Variants in SNX29 observed in about 807,000 individuals in gnomAD.
SNX29 encodes sorting nexin-29.
A neutral mutation model predicts 102.1 loss-of-function variants in SNX29; 78 were observed. That is an observed-to-expected ratio of 0.76 (90% CI 0.64 to 0.92). SNX29 has a LOEUF of 0.92. Among genes scored for constraint, SNX29 ranks in the 40% least tolerant of loss-of-function variants. SNX29 has a pLI of 0.00. For synonymous variants in SNX29, 580 were observed against 414.5 expected (o/e 1.40, Z -4.85); for missense variants, 1,280 against 1,061.7 (o/e 1.21, Z -2.86).
At chr16:12,397,226 G>A (rs2083755413) in intron 16 of SNX29, among the ~76,000 whole-genome samples, 1 of 152,190 alleles carries the variant, frequency 6.6e-6, no homozygotes, top group East Asian at 1.9e-4. Context: ...CTTCTAATGT[G>A]TCCTAACCTT....
chr16:12,502,184 C>A (rs762645242), intron 19 of SNX29, among the ~76,000 whole-genome samples: 1 of 152,184 alleles, frequency 6.6e-6, no homozygotes, highest in Non-Finnish European at 1.5e-5. Flanking sequence ...GATGAGGCCT[C>A]CTCTGGGCAT....
chr16:12,255,135 T>C (rs537317727), intron 14 of SNX29, among the ~76,000 whole-genome samples: 1 of 152,366 alleles, frequency 6.6e-6, no homozygotes, highest in Non-Finnish European at 1.5e-5. Context: ...TCACATACTT[T>C]TTTTTGGTGT....
intron 20 of SNX29, chr16:12,527,248 G>T (rs568410792): frequency 1.9e-6 from 1 of 533,186 alleles, no homozygotes; most frequent in Non-Finnish European, 3.6e-6. Flanking sequence ...AGCCTTACCC[G>T]TGCTGACGAA....
chr16:12,246,641 T>C (rs1008574658), intron 14 of SNX29, among the ~76,000 whole-genome samples: 3 of 151,890 alleles, frequency 2.0e-5, no homozygotes, highest in Admixed American at 2.0e-4. Context: ...AAAAAAGAAA[T>C]AACAACAAAA....
intron 20 of SNX29, among the ~76,000 whole-genome samples, chr16:12,558,043 G>A (rs79656563): frequency 0.012 from 1,891 of 152,216 alleles, 37 homozygotes; most frequent in African/African-American, 0.042. Flanking sequence ...GTAATTGGCC[G>A]GGATTACAAC....
At chr16:12,297,736 A>G (rs978574273) in intron 15 of SNX29, among the ~76,000 whole-genome samples, 3 of 152,172 alleles carry the variant, frequency 2.0e-5, no homozygotes, top group Non-Finnish European at 4.4e-5. Context: ...TTTGCACCTC[A>G]GTAAAGCTGG....
chr16:12,120,875 G>A (rs1370856294), intron 11 of SNX29, among the ~76,000 whole-genome samples: 1 of 152,180 alleles, frequency 6.6e-6, no homozygotes, highest in East Asian at 1.9e-4. Flanking sequence ...AATGGAAAAA[G>A]CTCAACGGGA....
intron 20 of SNX29, among the ~76,000 whole-genome samples, chr16:12,541,857 C>A (rs537034723): frequency 6.6e-6 from 1 of 152,254 alleles, no homozygotes; most frequent in South Asian, 2.1e-4. Context: ...TAGCACATGC[C>A]TGGAAACCAG....
At chr16:12,179,403 T>C (rs1675394987) in intron 13 of SNX29, among the ~76,000 whole-genome samples, 1 of 152,250 alleles carries the variant, frequency 6.6e-6, no homozygotes, top group Non-Finnish European at 1.5e-5. Flanking sequence ...GAGGATCGCC[T>C]GAGCCCAGGA....
intron 15 of SNX29, among the ~76,000 whole-genome samples, chr16:12,302,708 C>CA (rs1231455862): frequency 6.6e-6 from 1 of 152,268 alleles, no homozygotes; most frequent in Non-Finnish European, 1.5e-5. Flanking sequence ...GGAACACAAA[C>CA]ATTCAGACCA....
intron 15 of SNX29, among the ~76,000 whole-genome samples, chr16:12,312,814 T>C (rs113592101): frequency 1.1e-3 from 163 of 152,108 alleles, no homozygotes; most frequent in Non-Finnish European, 1.9e-3. Flanking sequence ...ATAGAGGATG[T>C]TTTACTGAGT....
At chr16:12,381,491 C>A (rs62651190) in intron 16 of SNX29, among the ~76,000 whole-genome samples, 6,509 of 42,806 alleles carry the variant, frequency 0.15, 1,539 homozygotes, top group Non-Finnish European at 0.27. Flanking sequence ...AGCCACCCAC[C>A]CACTCATCCA....
intron 16 of SNX29, among the ~76,000 whole-genome samples, chr16:12,368,278 G>A (rs768393051): frequency 1.3e-5 from 2 of 152,186 alleles, no homozygotes; most frequent in Non-Finnish European, 2.9e-5. Context: ...TCAAAGTTTC[G>A]TGTCAGCTGG....
intron 18 of SNX29, among the ~76,000 whole-genome samples, chr16:12,451,112 G>A (rs145509138): frequency 1.3e-5 from 2 of 152,138 alleles, no homozygotes; most frequent in Admixed American, 6.5e-5. Flanking sequence ...CAGAAGAGCC[G>A]CAGAGGTACT....
At chr16:12,547,552 C>G (rs573021061) in intron 20 of SNX29, among the ~76,000 whole-genome samples, 2 of 152,120 alleles carry the variant, frequency 1.3e-5, no homozygotes, top group Non-Finnish European at 2.9e-5. Flanking sequence ...GAGTCCTGAG[C>G]TGTGGTTAAC....
intron 11 of SNX29, among the ~76,000 whole-genome samples, chr16:12,123,442 C>G (rs936240230): frequency 1.3e-5 from 2 of 152,200 alleles, no homozygotes; most frequent in African/African-American, 4.8e-5. Flanking sequence ...CATCACCCAT[C>G]TCTCTCACAT....
At chr16:11,986,381 A>G (rs1415902905) in intron 1 of SNX29, among the ~76,000 whole-genome samples, 2 of 151,174 alleles carry the variant, frequency 1.3e-5, no homozygotes, top group African/African-American at 2.4e-5. Context: ...ACTTAAAAAA[A>G]AAAAAAAAAA....
intron 11 of SNX29, among the ~76,000 whole-genome samples, chr16:12,118,336 T>TTTA (rs1555464077): frequency 6.9e-6 from 1 of 145,356 alleles, no homozygotes; most frequent in Non-Finnish European, 1.5e-5. Flanking sequence ...TTTTTTTTTT[T>TTTA]ATGAGATGGA....
chr16:12,154,953 A>G (rs533736615), intron 13 of SNX29, among the ~76,000 whole-genome samples: 1 of 152,306 alleles, frequency 6.6e-6, no homozygotes, highest in East Asian at 1.9e-4. Flanking sequence ...CAGCATATGA[A>G]TTTGGCAGTG....
Sources: allele counts gnomAD v4.1 joint callset (sites outside exome capture counted in the v4.1 genomes callset), GRCh38; gene constraint gnomAD v4.1.1; transcripts MANE v1.5; gene names NCBI Gene and HGNC (gene_info 2026-07-23, HGNC 2026-07-21).